NAALADL2: variants seen among roughly 807,000 people sequenced by gnomAD.
The protein encoded by NAALADL2 is N-acetylated alpha-linked acidic dipeptidase like 2.
Under a neutral mutation model 87.2 loss-of-function variants are expected in NAALADL2, and 76 were observed. That is an observed-to-expected ratio of 0.87 (90% CI 0.72 to 1.05). The LOEUF is 1.05. Ranked by LOEUF, NAALADL2 falls within the 50% of genes least tolerant of loss-of-function variation. The pLI is 0.00. For synonymous variants in NAALADL2, 354 were observed against 331.0 expected (o/e 1.07, Z -0.75); for missense variants, 1,089 against 945.8 (o/e 1.15, Z -1.99).
chr3:174,999,361 A>T (rs1214831583), intron 1 of NAALADL2, among the ~76,000 whole-genome samples: 1 of 152,118 alleles, frequency 6.6e-6, no homozygotes, highest in East Asian at 1.9e-4. Flanking sequence ...TCTTCTATAA[A>T]TATTTATTTT....
intron 1 of NAALADL2, chr3:174,513,546 T>C (rs1034262799): frequency 6.6e-6 from 1 of 152,200 alleles, no homozygotes. Context: ...TCATTTGGAA[T>C]TACAAAATCC....
chr3:174,756,234 G>A (rs545450015), intron 3 of NAALADL2, among the ~76,000 whole-genome samples: 1 of 152,248 alleles, frequency 6.6e-6, no homozygotes, highest in South Asian at 2.1e-4. Flanking sequence ...TTTGTCTCAG[G>A]TTGTTTTCTT....
At chr3:175,505,356 A>T (rs1023852898) in intron 9 of NAALADL2, among the ~76,000 whole-genome samples, 1 of 152,092 alleles carries the variant, frequency 6.6e-6, no homozygotes, top group East Asian at 1.9e-4. Context: ...CCCAACTACC[A>T]TCTAACAAAA....
At chr3:175,150,100 G>A (rs1458698062) in intron 2 of NAALADL2, among the ~76,000 whole-genome samples, 1 of 152,124 alleles carries the variant, frequency 6.6e-6, no homozygotes, top group Non-Finnish European at 1.5e-5. Context: ...TCTCAATTTT[G>A]CAGATGAAAT....
intron 1 of NAALADL2, among the ~76,000 whole-genome samples, chr3:174,893,150 T>C (rs1293334761): frequency 6.6e-6 from 1 of 152,068 alleles, no homozygotes; most frequent in East Asian, 1.9e-4. Context: ...GCATGACATA[T>C]CTAAAGAGGT....
intron 9 of NAALADL2, among the ~76,000 whole-genome samples, chr3:175,501,731 A>G (rs915954809): frequency 1.3e-5 from 2 of 152,154 alleles, no homozygotes; most frequent in Non-Finnish European, 2.9e-5. Context: ...AAGTTTGAAC[A>G]CTTGGATAGA....
At chr3:175,253,264 T>C (rs1749369369) in intron 3 of NAALADL2, among the ~76,000 whole-genome samples, 1 of 152,180 alleles carries the variant, frequency 6.6e-6, no homozygotes, top group Non-Finnish European at 1.5e-5. Context: ...CATTTACCAT[T>C]CTAAAAATGC....
At chr3:175,588,751 G>A (rs546917027) in intron 10 of NAALADL2, among the ~76,000 whole-genome samples, 13 of 152,084 alleles carry the variant, frequency 8.5e-5, no homozygotes, top group African/African-American at 3.1e-4. Flanking sequence ...TGTTAGCCAG[G>A]ATGGTCTCGA....
At position 175,502,086 on chromosome 3, in the gene NAALADL2, T is replaced by C. The variant is rs115192742; in HGVS notation, c.1653+30328T>C. On this transcript the variant is annotated intron_variant, in intron 9 of 13. Coordinates refer to ENST00000454872, the MANE Select transcript of NAALADL2 (RefSeq NM_207015.3). The stretch of plus-strand genomic sequence containing the variant: ...AATTTCAAGTAAAATAAAAGCACAT[T>C]GTGGGGAACTAAAGAATAAACAAGG... Among the ~76,000 whole-genome samples the C allele has an allele frequency of 1.0e-2, 1,517 of 152,092 alleles. 27 individuals carry two copies. The highest frequency in any genetic ancestry group is 0.034 in the African/African-American group (1,417 of 41,512).
At chr3:175,012,478 T>C (rs949886510) in intron 1 of NAALADL2, among the ~76,000 whole-genome samples, 2 of 152,170 alleles carry the variant, frequency 1.3e-5, no homozygotes, top group Non-Finnish European at 2.9e-5. Flanking sequence ...CATAAATTAA[T>C]TGAGAAATGA....
chr3:175,386,135 TATC>T (rs1478865401), intron 5 of NAALADL2, among the ~76,000 whole-genome samples: 1 of 152,068 alleles, frequency 6.6e-6, no homozygotes, highest in Non-Finnish European at 1.5e-5. Context: ...AATCTCTTAA[TATC>T]ATCAAATATT....
chr3:175,538,225 G>A (rs1447510351), intron 9 of NAALADL2, among the ~76,000 whole-genome samples: 2 of 151,902 alleles, frequency 1.3e-5, no homozygotes, highest in African/African-American at 4.8e-5. Flanking sequence ...TCATATGATA[G>A]GTATGTTGAT....
chr3:174,740,188 T>C (rs1049718016), intron 3 of NAALADL2, among the ~76,000 whole-genome samples: 1 of 151,958 alleles, frequency 6.6e-6, no homozygotes, highest in African/African-American at 2.4e-5. Flanking sequence ...AAAATTGTCT[T>C]TTGAGGCTTA....
At chr3:175,108,255 C>T (rs75968686) in intron 2 of NAALADL2, among the ~76,000 whole-genome samples, 1 of 151,914 alleles carries the variant, frequency 6.6e-6, no homozygotes, top group South Asian at 2.1e-4. Flanking sequence ...GTCTTCCTCT[C>T]ATGGCTCACT....
At chr3:175,542,466 C>T (rs1328444953) in intron 9 of NAALADL2, among the ~76,000 whole-genome samples, 4 of 152,170 alleles carry the variant, frequency 2.6e-5, no homozygotes, top group African/African-American at 9.7e-5. Context: ...GTGGAACCCA[C>T]GTGTAGGAAA....
intron 1 of NAALADL2, among the ~76,000 whole-genome samples, chr3:174,965,801 T>A (rs1285867424): frequency 6.6e-6 from 1 of 152,064 alleles, no homozygotes; most frequent in African/African-American, 2.4e-5. Context: ...TGGAAAATTT[T>A]ACGGAGGGAA....
At chr3:175,423,170 G>C in intron 5 of NAALADL2, among the ~76,000 whole-genome samples, 1 of 6,192 alleles carries the variant, frequency 1.6e-4, no homozygotes, top group African/African-American at 6.4e-4. Context: ...AGAAAGGGAG[G>C]GGGGGGTCTC....
At chr3:175,595,633 A>G (rs1722151368) in intron 10 of NAALADL2, among the ~76,000 whole-genome samples, 2 of 152,044 alleles carry the variant, frequency 1.3e-5, no homozygotes, top group Non-Finnish European at 2.9e-5. Context: ...ACACAATCCC[A>G]TTTATAACAG....
In NAALADL2 at chr3:174,882,867, G is replaced by A. The variant is rs377145436; in HGVS notation, c.43+23417G>A. ...TGCATATGTGTATATATACATATGTGTATATGTGTATATGTGTATATATGT... is the reference window on the plus strand; with the variant it reads ...TGCATATGTGTATATATACATATGTATATATGTGTATATGTGTATATATGT... On this transcript the variant is annotated intron_variant, in intron 1 of 13. Transcript: ENST00000454872. Among the ~76,000 whole-genome samples the A allele has an allele frequency of 3.5e-4, 48 of 136,676 alleles. No homozygotes were observed. In the East Asian group the frequency reaches 4.8e-3, roughly 14 times the overall value. 89.7% of individuals were successfully genotyped at this position (136,676 alleles called of 152,430 possible). A position where few individuals can be genotyped will look rare whatever the true frequency, so the allele number is the denominator to read the frequency against.
Sources: gnomAD v4.1 joint callset for allele counts (sites outside exome capture counted in the v4.1 genomes callset) on GRCh38, gnomAD v4.1.1 for gene constraint, MANE v1.5 for transcripts, NCBI Gene and HGNC (gene_info 2026-07-23, HGNC 2026-07-21) for gene names.